The following LINGO2 variants were observed in gnomAD, a reference collection of about 807,000 sequenced individuals.
LINGO2 encodes the protein leucine-rich repeat and immunoglobulin-like domain-containing nogo receptor-interacting protein 2.
Under a neutral mutation model 30.6 loss-of-function variants are expected in LINGO2, and 14 were observed. The ratio of observed to expected loss-of-function variants is 0.46; its 90% CI spans 0.30 to 0.72. The LOEUF (loss-of-function observed/expected upper bound fraction) is 0.72, where lower values mean the gene tolerates loss of function less well. Among genes scored for constraint, LINGO2 ranks in the 30% least tolerant of loss-of-function variants. The pLI is 0.07. For synonymous variants in LINGO2, 317 were observed against 288.5 expected (o/e 1.10, Z -1.00); for missense variants, 729 against 751.7 (o/e 0.97, Z 0.35).
chr9:28,462,556 C>T lies in LINGO2; in HGVS notation c.-279+13384G>A, dbSNP rs556031328. Among the ~76,000 whole-genome samples, 52 of 151,972 alleles carry T rather than the reference C, an allele frequency of 3.4e-4. 1 individual carries two copies. In the South Asian group the frequency reaches 0.011, roughly 31 times the overall value. On this transcript the variant is annotated intron_variant, in intron 2 of 5. Transcript: ENST00000379992. ...AAAATGGAGTTGTAAATTTCTGTCA[C>T]CTTTCTCTTCAACCATTATTTTACA...
At chr9:28,462,052 C>G (rs1825102005) in intron 2 of LINGO2, among the ~76,000 whole-genome samples, 1 of 152,074 alleles carries the variant, frequency 6.6e-6, no homozygotes, top group Non-Finnish European at 1.5e-5. Context: ...TCATTCTCCT[C>G]TAATGTTATG....
At chr9:28,404,386 A>T (rs1011363891) in intron 2 of LINGO2, among the ~76,000 whole-genome samples, 9 of 152,134 alleles carry the variant, frequency 5.9e-5, no homozygotes, top group African/African-American at 2.2e-4. Context: ...TTTTCTTTTT[A>T]AAAAATTATT....
chr9:28,166,875 G>T (rs1828441841), intron 4 of LINGO2, among the ~76,000 whole-genome samples: 1 of 151,992 alleles, frequency 6.6e-6, no homozygotes, highest in African/African-American at 2.4e-5. Flanking sequence ...ATTACTCTGT[G>T]CTATTTCATG....
chr9:28,861,939 C>T, the LINGO2 span, among the ~76,000 whole-genome samples: 1 of 152,026 alleles, frequency 6.6e-6, no homozygotes, highest in South Asian at 2.1e-4. Context: ...TAGCACATCC[C>T]ATTATATCTC....
At chr9:29,014,299 C>T in the LINGO2 span, among the ~76,000 whole-genome samples, 2 of 152,022 alleles carry the variant, frequency 1.3e-5, no homozygotes, top group Non-Finnish European at 2.9e-5. Flanking sequence ...ATTTCTTGTC[C>T]CAAAGACTCC....
intron 4 of LINGO2, among the ~76,000 whole-genome samples, chr9:28,238,115 G>A (rs1243861652): frequency 2.0e-5 from 3 of 151,580 alleles, no homozygotes; most frequent in Admixed American, 2.0e-4. Flanking sequence ...CAACACTGCA[G>A]CACCCAGATA....
intron 2 of LINGO2, among the ~76,000 whole-genome samples, chr9:28,417,676 A>G (rs1256502502): frequency 6.6e-6 from 1 of 152,146 alleles, no homozygotes. Flanking sequence ...CCCTAACAAA[A>G]TGCCATTCCT....
the LINGO2 span, among the ~76,000 whole-genome samples, chr9:29,010,648 CTTAT>C: frequency 6.6e-6 from 1 of 152,084 alleles, no homozygotes; most frequent in Non-Finnish European, 1.5e-5. Flanking sequence ...AATTTGCGTA[CTTAT>C]TTTAGAATCT....
the LINGO2 span, among the ~76,000 whole-genome samples, chr9:28,772,738 A>G: frequency 9.2e-5 from 14 of 152,202 alleles, 1 homozygote; most frequent in African/African-American, 2.7e-4. Context: ...ACCTTTCCAT[A>G]TGATACTTGA....
chr9:28,250,605 C>A (rs1446883453), intron 4 of LINGO2, among the ~76,000 whole-genome samples: 1 of 152,180 alleles, frequency 6.6e-6, no homozygotes, highest in Non-Finnish European at 1.5e-5. Context: ...GTGTCCCCAT[C>A]CCCGCTCATG....
At chr9:28,684,942 T>C in the LINGO2 span, among the ~76,000 whole-genome samples, 1 of 152,116 alleles carries the variant, frequency 6.6e-6, no homozygotes, top group East Asian at 1.9e-4. Context: ...GGAATATGCA[T>C]AACACGTGAT....
chr9:28,347,775 G>A, intron 3 of LINGO2, among the ~76,000 whole-genome samples: 1 of 152,156 alleles, frequency 6.6e-6, no homozygotes, highest in African/African-American at 2.4e-5. Flanking sequence ...ATTCCAATGT[G>A]CATCCAAGGT....
chr9:28,735,366 C>T, the LINGO2 span, among the ~76,000 whole-genome samples: 1 of 152,052 alleles, frequency 6.6e-6, no homozygotes, highest in East Asian at 1.9e-4. Context: ...ATATTTTATA[C>T]CCTTAATTAT....
intron 4 of LINGO2, among the ~76,000 whole-genome samples, chr9:28,229,623 G>A (rs1019043268): frequency 4.0e-5 from 6 of 151,532 alleles, no homozygotes; most frequent in Non-Finnish European, 8.9e-5. Context: ...CAAAATGTGC[G>A]AACTGAATAA....
At chr9:28,901,853 T>C in the LINGO2 span, among the ~76,000 whole-genome samples, 4 of 151,962 alleles carry the variant, frequency 2.6e-5, no homozygotes, top group African/African-American at 9.7e-5. Flanking sequence ...TATTTACCTA[T>C]CAGTAATTAC....
intron 5 of LINGO2, among the ~76,000 whole-genome samples, chr9:27,993,630 C>T (rs1210906976): frequency 6.6e-6 from 1 of 152,092 alleles, no homozygotes; most frequent in African/African-American, 2.4e-5. Flanking sequence ...ATATTTTCCT[C>T]TTTTTAGAAT....
chr9:29,156,296 G>A, the LINGO2 span, among the ~76,000 whole-genome samples: 1 of 152,034 alleles, frequency 6.6e-6, no homozygotes, highest in Non-Finnish European at 1.5e-5. Flanking sequence ...AATACACTGA[G>A]CAAGTGAAAA....
intron 1 of LINGO2, among the ~76,000 whole-genome samples, chr9:28,501,388 T>C (rs543284548): frequency 1.3e-5 from 2 of 152,164 alleles, no homozygotes; most frequent in Admixed American, 6.6e-5. Flanking sequence ...CACTATCACA[T>C]TGTAAATACG....
At chr9:28,987,801 T>A in the LINGO2 span, among the ~76,000 whole-genome samples, 2 of 152,212 alleles carry the variant, frequency 1.3e-5, no homozygotes, top group Non-Finnish European at 2.9e-5. Flanking sequence ...TTTTATCCAT[T>A]CAGGCACATA....
Sources: gnomAD v4.1 joint callset for allele counts (sites outside exome capture counted in the v4.1 genomes callset) on GRCh38, gnomAD v4.1.1 for gene constraint, MANE v1.5 for transcripts, NCBI Gene and HGNC (gene_info 2026-07-23, HGNC 2026-07-21) for gene names.